MEIOB: variants seen among roughly 807,000 people sequenced by gnomAD.
MEIOB encodes meiosis-specific with OB domain-containing protein.
A neutral mutation model predicts 53.1 loss-of-function variants in MEIOB; 50 were observed. That is an observed-to-expected ratio of 0.94 (90% confidence interval 0.75 to 1.19). The LOEUF is 1.19. Among genes scored for constraint, MEIOB ranks in the 50% most tolerant of loss-of-function variants. The pLI, the probability that MEIOB is intolerant of heterozygous loss-of-function variation, is 0.00. For missense variants in MEIOB, 551 were observed against 550.8 expected, an observed-to-expected ratio of 1.00 and a Z score of 0.00; for synonymous variants, 192 against 182.5, an observed-to-expected ratio of 1.05 and a Z score of -0.42.
At chr16:1,857,115 A>G (rs910026724) in intron 6 of MEIOB, among the ~76,000 whole-genome samples, 4 of 152,128 alleles carry the variant, frequency 2.6e-5, no homozygotes, top group South Asian at 4.1e-4. Flanking sequence ...CTACATCTCA[A>G]TCTCCGCCTT....
At chr16:1,861,271 A>G (rs1195092189) in intron 4 of MEIOB, among the ~76,000 whole-genome samples, 1 of 152,192 alleles carries the variant, frequency 6.6e-6, no homozygotes, top group East Asian at 1.9e-4. Context: ...TATTTCAACT[A>G]AAAGTAAAGT....
chr16:1,862,790 C>T lies in MEIOB; in HGVS notation c.128-674G>A, dbSNP rs928045184. ...AAACTTAGCCAGGCGTGGTGGTGGG[C>T]GCCTGTAATCCCAGCTACTCGGGAG... On this transcript the variant is annotated intron_variant, in intron 3 of 13. Coordinates refer to ENST00000325962, the MANE Select transcript of MEIOB (RefSeq NM_001163560.3). 6.6e-5 allele frequency among the ~76,000 whole-genome samples: 10 copies of T among 151,952 alleles called. No individual in the cohort carries two copies. In the East Asian group the frequency reaches 7.8e-4, roughly 12 times the overall value.
intron 13 of MEIOB, 30 bp downstream of exon 13, chr16:1,837,754 G>C: frequency 9.1e-7 from 1 of 1,097,500 alleles, no homozygotes; most frequent in Non-Finnish European, 1.3e-6. Flanking sequence ...TAAATATATA[G>C]AATAATATGG....
At chr16:1,850,408 G>A (rs557989938) in intron 9 of MEIOB, among the ~76,000 whole-genome samples, 3 of 151,468 alleles carry the variant, frequency 2.0e-5, no homozygotes, top group South Asian at 4.2e-4. Flanking sequence ...GTGAAACCCC[G>A]TCTCTACTAA....
intron 3 of MEIOB, among the ~76,000 whole-genome samples, chr16:1,863,649 G>C (rs2150823203): frequency 6.6e-6 from 1 of 151,982 alleles, no homozygotes; most frequent in East Asian, 1.9e-4. Context: ...CTCCCAAAGT[G>C]CTGGCATGAG....
intron 9 of MEIOB, among the ~76,000 whole-genome samples, chr16:1,848,686 G>C (rs1596971829): frequency 6.6e-6 from 1 of 151,862 alleles, no homozygotes; most frequent in South Asian, 2.1e-4. Flanking sequence ...GGGACTATAG[G>C]CACCATACCA....
chr16:1,839,115 T>C, intron 12 of MEIOB, 140 bp downstream of exon 12: 1 of 991,802 alleles, frequency 1.0e-6, no homozygotes, highest in Non-Finnish European at 1.4e-6. Flanking sequence ...AATGTGTGTT[T>C]AAAGCAAGAT....
chr16:1,853,096 A>G lies in MEIOB; in HGVS notation c.721T>C (p.Phe241Leu). Residue 241 changes from phenylalanine to leucine, a missense_variant, in exon 9 of 14, where the codon TTT becomes CTT. Coordinates refer to ENST00000325962, the MANE Select transcript of MEIOB (RefSeq NM_001163560.3). ...ACAGTTGCTGTCATGCAGTTCCGAAATTTGTCAAAATTTATTCTTACATCT... is the reference window on the plus strand; with the variant it reads ...ACAGTTGCTGTCATGCAGTTCCGAAGTTTGTCAAAATTTATTCTTACATCT... ...ASDVRINFDK[F>L]RNCMTATVIS... The G allele has an allele frequency of 1.2e-6, 2 of 1,612,982 alleles. No homozygotes were observed. Among genetic ancestry groups the G allele is most frequent in the Non-Finnish European group, 1.7e-6 (2 of 1,179,248 alleles).
intron 5 of MEIOB, among the ~76,000 whole-genome samples, chr16:1,858,167 A>T (rs898141455): frequency 6.6e-6 from 1 of 152,180 alleles, no homozygotes; most frequent in Non-Finnish European, 1.5e-5. Context: ...CATTTGTCTG[A>T]TCTTGCCCAA....
intron 1 of MEIOB, among the ~76,000 whole-genome samples, chr16:1,868,778 C>A (rs1899658564): frequency 6.6e-6 from 1 of 151,810 alleles, no homozygotes; most frequent in Non-Finnish European, 1.5e-5. Flanking sequence ...TGGCGTGAAC[C>A]CGGGAGGCGG....
Position 1,854,167 on chromosome 16 carries a change from G to A in MEIOB, c.562C>T (p.Arg188Trp), listed in dbSNP as rs527427157. Residue 188 changes from arginine (R) to tryptophan (W), a missense_variant, in exon 7 of 14, where the codon CGG becomes TGG. Physicochemically the swap from Arg to Trp is moderately radical, Grantham distance 101. Transcript: ENST00000325962. ...ACTTCACACCTCTGGCCTTTTCTCC[G>A]GTCTGAAGTTGTAAAGTATTTTGGC... ...GEPKYFTTSDRRKGQRCEVRL... is the reference protein window; with the variant it reads ...GEPKYFTTSDWRKGQRCEVRL... The A allele has an allele frequency of 1.1e-5, 17 of 1,549,850 alleles. No homozygotes were observed. Among genetic ancestry groups the A allele is most frequent in the African/African-American group, 2.7e-5 (2 of 72,922 alleles).
chr16:1,841,886 A>T lies in MEIOB; in HGVS notation c.968T>A (p.Ile323Asn). 1 of 1,608,474 alleles carries T rather than the reference A, an allele frequency of 6.2e-7. No individual in the cohort carries two copies. The highest frequency in any genetic ancestry group is 8.5e-7 in the Non-Finnish European group (1 of 1,177,262). Residue 323 changes from isoleucine to asparagine, a missense_variant, in exon 11 of 14, where the codon ATC (isoleucine) becomes AAC (asparagine). Ile to Asn is a moderately radical substitution (Grantham distance 149, BLOSUM62 -3). Coordinates refer to ENST00000325962, the MANE Select transcript of MEIOB (RefSeq NM_001163560.3). Reference sequence around the variant, plus strand: ...GAGTGTGGAAATGTAGGCATAAAGGATGCCATAGGAAGGATCAGCTTTTCC... The same window carrying T: ...GAGTGTGGAAATGTAGGCATAAAGGTTGCCATAGGAAGGATCAGCTTTTCC... Reference protein sequence around the residue: ...NEGKADPSYGILYAYISTLNI... With the variant: ...NEGKADPSYGNLYAYISTLNI...
intron 1 of MEIOB, among the ~76,000 whole-genome samples, chr16:1,871,001 T>G (rs1004786182): frequency 2.6e-5 from 4 of 152,110 alleles, no homozygotes; most frequent in Non-Finnish European, 4.4e-5. Flanking sequence ...CATCTCTTGG[T>G]GGGACATGGT....
intron 9 of MEIOB, among the ~76,000 whole-genome samples, 180 bp from the exon 10 acceptor site, chr16:1,845,143 C>A (rs905020341): frequency 1.3e-5 from 2 of 152,162 alleles, no homozygotes; most frequent in African/African-American, 4.8e-5. Context: ...GAGATGTACA[C>A]CACATTACAT....
chr16:1,857,642 C>T, intron 6 of MEIOB, 93 bp downstream of exon 6: 1 of 916,146 alleles, frequency 1.1e-6, no homozygotes, highest in Non-Finnish European at 1.7e-6. Flanking sequence ...AAAGTTACCC[C>T]AGCTGATCGT....
intron 9 of MEIOB, among the ~76,000 whole-genome samples, chr16:1,849,544 T>C (rs1377023822): frequency 3.9e-3 from 25 of 6,448 alleles, no homozygotes; most frequent in African/African-American, 0.013. Flanking sequence ...AGACTCCGTC[T>C]CAAAAAAAAA....
intron 9 of MEIOB, among the ~76,000 whole-genome samples, chr16:1,851,357 G>A (rs761293920): frequency 4.5e-4 from 68 of 152,094 alleles, no homozygotes; most frequent in Non-Finnish European, 5.0e-4. Flanking sequence ...CCCATGCAGC[G>A]TGCCCGACCA....
At chr16:1,841,217 T>G (rs56103500) in intron 11 of MEIOB, 1 of 151,506 alleles carries the variant, frequency 6.6e-6, no homozygotes, top group Non-Finnish European at 1.5e-5. Flanking sequence ...GGTGTTTCGC[T>G]ATATTGGCCA....
chr16:1,849,664 T>TA (rs199792431), intron 9 of MEIOB, among the ~76,000 whole-genome samples: 10 of 145,170 alleles, frequency 6.9e-5, no homozygotes, highest in South Asian at 4.4e-4. Flanking sequence ...AAAGTAAAAC[T>TA]AAAAAAAAAA....
Sources: gnomAD v4.1 joint callset for allele counts (sites outside exome capture counted in the v4.1 genomes callset) on GRCh38, gnomAD v4.1.1 for gene constraint, MANE v1.5 for transcripts, NCBI Gene and HGNC (gene_info 2026-07-23, HGNC 2026-07-21) for gene names.